The following KMT2B variants were observed in gnomAD, a reference collection of about 807,000 sequenced individuals.
KMT2B encodes histone-lysine N-methyltransferase 2B.
A neutral mutation model predicts 255.3 loss-of-function variants in KMT2B; 22 were observed. The observed-to-expected ratio is 0.09, with a 90% confidence interval of 0.06 to 0.12. The LOEUF is 0.12. Ranked by LOEUF, KMT2B falls within the 10% of genes least tolerant of loss-of-function variation. The pLI is 1.00. For missense variants in KMT2B, 3,149 were observed against 3,737.0 expected (o/e 0.84, Z 4.10); for synonymous variants, 1,730 against 1,498.1 (o/e 1.15, Z -3.57).
In KMT2B at chr19:35,719,823, C is replaced by T. The variant is rs1568367127; in HGVS notation, c.476C>T (p.Thr159Ile). The T allele has an allele frequency of 6.2e-7, 1 of 1,608,528 alleles. No homozygotes were observed. Among genetic ancestry groups the T allele is most frequent in the Non-Finnish European group, 8.5e-7 (1 of 1,177,940 alleles). The change falls in exon 3 of 37, where the codon ACC becomes ATC. Residue 159 changes from threonine to isoleucine, a missense_variant. By Grantham distance (89) the Thr-to-Ile change is moderately conservative. This residue lies in a region of KMT2B where 1,188 missense variants were observed against 1,106.4 expected (regional missense o/e 1.07). Transcript: ENST00000420124. ...PRGRGRKHKT[T>I]PLPPPRLADV... ...GGTCGGGGTCGCAAGCATAAGACGA[C>T]CCCCCTTCCTCCTCCTCGCCTAGCA...
chr19:35,724,746 C>T lies in KMT2B; in HGVS notation c.3429+15C>T, dbSNP rs1279015171. The T allele has an allele frequency of 6.4e-7, 1 of 1,564,024 alleles. No individual in the cohort carries two copies. Among genetic ancestry groups the T allele is most frequent in the Non-Finnish European group, 8.7e-7 (1 of 1,154,156 alleles). The stretch of plus-strand genomic sequence containing the variant: ...GCCTGGACAAGGTCAGCACGGCCCG[C>T]TCCGAGAGCCCCTTCCCTCCAGGAG... On this transcript the variant is annotated intron_variant, in intron 9 of 36. Coordinates refer to ENST00000420124, the MANE Select transcript of KMT2B (RefSeq NM_014727.3).
chr19:35,728,681 G>A lies in KMT2B; in HGVS notation c.4572-93G>A, dbSNP rs1018240412. ...AAATTCCACATAGAGAGGGAGTAGCGGGTGTCATGGCGAGTTCAGGCTGGT... is the reference window on the plus strand; with the variant it reads ...AAATTCCACATAGAGAGGGAGTAGCAGGTGTCATGGCGAGTTCAGGCTGGT... On this transcript the variant is annotated intron_variant, in intron 19 of 36. Transcript: ENST00000420124. The A allele has an allele frequency of 1.8e-5, 15 of 845,264 alleles. 1 individual carries two copies. The highest frequency in any genetic ancestry group is 1.2e-4 in the Admixed American group (6 of 50,082). The allele number at this position is 845,264 out of a possible 1,614,324, so 52.4% of individuals were successfully genotyped here.
Position 35,726,359 on chromosome 19 carries a change from G to T in KMT2B, c.4003+6G>T, listed in dbSNP as rs778996511. 58 of 1,586,834 alleles carry T rather than the reference G, an allele frequency of 3.7e-5. No individual in the cohort carries two copies. The highest frequency in any genetic ancestry group is 4.8e-5 in the Non-Finnish European group (56 of 1,155,502). Reference sequence around the variant, plus strand: ...CACCCAGCTATATGAGAAAGGTGGGGACCGGGCAGGGGAACTGGATGCTGG... The same window carrying T: ...CACCCAGCTATATGAGAAAGGTGGGTACCGGGCAGGGGAACTGGATGCTGG... On this transcript the variant is annotated splice_donor_region_variant and intron_variant, in intron 14 of 36. Coordinates refer to ENST00000420124, the MANE Select transcript of KMT2B (RefSeq NM_014727.3).
Position 35,733,074 on chromosome 19 carries a change from A to C in KMT2B, c.6525A>C (p.Leu2175Phe), listed in dbSNP as rs1599695787. 1.3e-6 allele frequency: 2 copies of C among 1,572,788 alleles called. No individual in the cohort carries two copies. The highest frequency in any genetic ancestry group is 1.7e-6 in the Non-Finnish European group (2 of 1,159,044). Reference protein sequence around the residue: ...WLPGAPGVRVLSLGPAPEPPK... With the variant: ...WLPGAPGVRVFSLGPAPEPPK... Reference sequence around the variant, plus strand: ...CAGGGGCCCCAGGGGTCCGGGTGTTAAGCCTTGGCCCTGCCCCTGAGCCCC... The same window carrying C: ...CAGGGGCCCCAGGGGTCCGGGTGTTCAGCCTTGGCCCTGCCCCTGAGCCCC... Residue 2175 changes from leucine (L) to phenylalanine (F), a missense_variant, in exon 28 of 37, where the codon TTA becomes TTC. Physicochemically the swap from Leu to Phe is conservative, Grantham distance 22 (BLOSUM62 0). This residue lies in a region of KMT2B where 897 missense variants were observed against 825.3 expected (regional missense o/e 1.09). Transcript: ENST00000420124. The surrounding 1 kb of genome is among the most constrained non-coding windows in gnomAD (Gnocchi z 4.3).
chr19:35,724,776 C>T (rs1182468998), intron 9 of KMT2B, 45 bp downstream of exon 9: 2 of 1,509,360 alleles, frequency 1.3e-6, no homozygotes, highest in Admixed American at 2.0e-5. Flanking sequence ...CAGGAGCTAC[C>T]TGGCAAGTCA....
At chr19:35,730,147 C>T in intron 23 of KMT2B, 22 bp downstream of exon 23, 1 of 1,613,248 alleles carries the variant, frequency 6.2e-7, no homozygotes, top group East Asian at 2.2e-5. Context: ...CTGTGGGGTA[C>T]ACGGTTCCTT....
In KMT2B at chr19:35,720,473, A is replaced by C. The variant is rs1342856269; in HGVS notation, c.1126A>C (p.Lys376Gln). 6.9e-7 allele frequency: 1 copy of C among 1,446,912 alleles called. No individual in the cohort carries two copies. Among genetic ancestry groups the C allele is most frequent in the East Asian group, 2.4e-5 (1 of 40,926 alleles). 89.6% of individuals were successfully genotyped at this position (1,446,912 alleles called of 1,614,324 possible). Residue 376 changes from lysine (K) to glutamine (Q), a missense_variant, in exon 3 of 37, where the codon AAG becomes CAG. Physicochemically the swap from Lys to Gln is moderately conservative, Grantham distance 53 (BLOSUM62 1). Around this residue, in one of 18 missense-constraint regions of KMT2B, gnomAD observed 1,188 missense variants for 1,106.4 expected, o/e 1.07. Transcript: ENST00000420124. ...GAAGAAAGAAGAAGAAGAAAAAGAC[A>C]AGGAGGGAGAAGAGAAGGAAGAAAG... ...EEKKEEEEKD[K>Q]EGEEKEERAV...
rs770982894 is a variant in KMT2B at position 35,725,018 on chromosome 19, T to G, written c.3459T>G (p.Ser1153=). ...KDALAPGPFA[S]FPNGWTGKQK... is the part of the protein sequence containing the mutation. ...CTTTGGCCCCTGGCCCCTTTGCTTCTTTTCCCAATGGCTGGACTGGAAAGC... is the reference window on the plus strand; with the variant it reads ...CTTTGGCCCCTGGCCCCTTTGCTTCGTTTCCCAATGGCTGGACTGGAAAGC... The change falls in exon 10 of 37, where the codon TCT becomes TCG. Residue 1153 remains serine (S), a synonymous_variant. Transcript: ENST00000420124. This position sits in a 1 kb window ranked among gnomAD's most constrained non-coding sequence, Gnocchi z 4.1. 6.2e-6 allele frequency: 10 copies of G among 1,613,656 alleles called. No individual in the cohort carries two copies. Among genetic ancestry groups the G allele is most frequent in the South Asian group, 1.1e-5 (1 of 91,070 alleles).
chr19:35,724,550 C>T, intron 8 of KMT2B, 87 bp from the exon 9 acceptor site: 1 of 1,124,420 alleles, frequency 8.9e-7, no homozygotes, highest in Non-Finnish European at 1.3e-6. Context: ...TTAAAGAAGG[C>T]CCTGGGAATC....
At position 35,721,120 on chromosome 19, in the gene KMT2B, T is replaced by C. The variant is rs1969180301; in HGVS notation, c.1773T>C (p.Ser591=). ...CACCACGTGCCCCAACTCCTCCATC[T>C]ACCCCAGTTCCACTCCCTGAGAAGA... ...PSPPRAPTPP[S]TPVPLPEKRR... The change falls in exon 3 of 37, where the codon TCT becomes TCC. Residue 591 remains serine (S), a synonymous_variant. Coordinates refer to ENST00000420124, the MANE Select transcript of KMT2B (RefSeq NM_014727.3). 1.9e-6 allele frequency: 3 copies of C among 1,605,266 alleles called. No homozygotes were observed. The highest frequency in any genetic ancestry group is 2.5e-6 in the Non-Finnish European group (3 of 1,177,680).
chr19:35,722,905 G>A (rs1038367255), intron 5 of KMT2B, 90 bp from the exon 6 acceptor site: 4 of 1,445,646 alleles, frequency 2.8e-6, no homozygotes, highest in Non-Finnish European at 3.7e-6. Flanking sequence ...CTGTGAGAAA[G>A]CGAGAGCCAG....
In KMT2B at chr19:35,738,027, T is replaced by A; in HGVS notation, c.7743-35T>A. On this transcript the variant is annotated intron_variant, in intron 35 of 36. Transcript: ENST00000420124. This position sits in a 1 kb window ranked among gnomAD's most constrained non-coding sequence, Gnocchi z 8.7. ...GGGTACTGTCTGGTTTCTGTCCCCC[T>A]CCCCCCTGAGTTCCCTGTTCATCCT... 1 of 1,613,120 alleles carries A rather than the reference T, an allele frequency of 6.2e-7. No individual in the cohort carries two copies. The highest frequency in any genetic ancestry group is 8.5e-7 in the Non-Finnish European group (1 of 1,179,548).
chr19:35,730,920 T>A (rs1969665149), intron 26 of KMT2B, 53 bp downstream of exon 26: 2 of 1,499,580 alleles, frequency 1.3e-6, no homozygotes, highest in Admixed American at 2.3e-5. Flanking sequence ...TAAACAAACC[T>A]ACAGATCTCT....
At position 35,720,505 on chromosome 19, in the gene KMT2B, A is replaced by T. The variant is rs953801296; in HGVS notation, c.1158A>T (p.Val386=). ...GAGAAGAGAAGGAAGAAAGAGCTGTAGCTGAGGAGATGATGCCAGCTGCGG... is the reference window on the plus strand; with the variant it reads ...GAGAAGAGAAGGAAGAAAGAGCTGTTGCTGAGGAGATGATGCCAGCTGCGG... The part of the protein sequence containing the change: ...KEGEEKEERA[V]AEEMMPAAEK... Residue 386 remains valine (V), a synonymous_variant, in exon 3 of 37, where the codon GTA becomes GTT. Transcript: ENST00000420124. The T allele has an allele frequency of 6.4e-7, 1 of 1,551,336 alleles. No individual in the cohort carries two copies. The highest frequency in any genetic ancestry group is 2.0e-5 in the Admixed American group (1 of 50,902).
In KMT2B at chr19:35,729,984, G is replaced by A. The variant is rs1458190884; in HGVS notation, c.4935G>A (p.Leu1645=). ...CTACGCAGCGCTGCGAGCTCTGCCTGAAGCCTGGCGCCACGGTGGGCTGCT... is the reference window on the plus strand; with the variant it reads ...CTACGCAGCGCTGCGAGCTCTGCCTAAAGCCTGGCGCCACGGTGGGCTGCT... The part of the protein sequence containing the change: ...RGRQMRCELC[L]KPGATVGCCL... Residue 1645 remains leucine (L), a synonymous_variant, in exon 23 of 37, where the codon CTG becomes CTA. Transcript: ENST00000420124. The A allele has an allele frequency of 6.2e-7, 1 of 1,613,238 alleles. No homozygotes were observed. Among genetic ancestry groups the A allele is most frequent in the Non-Finnish European group, 8.5e-7 (1 of 1,179,800 alleles).
rs1304115990 is a variant in KMT2B at position 35,733,751 on chromosome 19, C to T, written c.7050-12C>T. 2 of 1,611,970 alleles carry T rather than the reference C, an allele frequency of 1.2e-6. No individual in the cohort carries two copies. The highest frequency in any genetic ancestry group is 1.7e-6 in the Non-Finnish European group (2 of 1,178,628). On this transcript the variant is annotated splice_polypyrimidine_tract_variant and intron_variant, in intron 29 of 36. Transcript: ENST00000420124. This position sits in a 1 kb window ranked among gnomAD's most constrained non-coding sequence, Gnocchi z 4.3. ...TCTGTCCTTCCCCTTCCTGACAGGT[C>T]TCTTCTCGCAGGCCCCTCCAGGAAC...
In KMT2B at chr19:35,728,985, C is replaced by A. The variant is rs995639204; in HGVS notation, c.4688C>A (p.Ala1563Glu). 1.9e-6 allele frequency: 3 copies of A among 1,613,836 alleles called. No individual in the cohort carries two copies. The Admixed American group carries it at 5.0e-5, about 27-fold the overall frequency. ...ACCTCCCTTCACATTTCCTCTTCAG[C>A]ATTCCAGGGCAAGGATCCGGCTGCC... ...SGQPPGDPSAAFQGKDPAAFS... is the reference protein window; with the variant it reads ...SGQPPGDPSAEFQGKDPAAFS... The change falls in exon 21 of 37, where the codon GCA becomes GAA. Residue 1563 changes from alanine (A) to glutamate (E), a missense_variant and splice_region_variant. Ala to Glu is a moderately radical substitution (Grantham distance 107, BLOSUM62 -1). Transcript: ENST00000420124.
At chr19:35,729,830 G>C in intron 22 of KMT2B, 137 bp from the exon 23 acceptor site, 2 of 794,230 alleles carry the variant, frequency 2.5e-6, no homozygotes, top group Non-Finnish European at 3.9e-6. Context: ...GCCTGGATGC[G>C]GCTGGGGAGA....
Position 35,737,810 on chromosome 19 carries a change from A to G in KMT2B, c.7659-49A>G. On this transcript the variant is annotated intron_variant, in intron 34 of 36. Transcript: ENST00000420124. The surrounding 1 kb of genome is among the most constrained non-coding windows in gnomAD (Gnocchi z 5.3). ...GTCTTAGAGAGTGAGCAGGGGTGAG[A>G]GAGGTCATTCTGAGCACCAGCCTGG... 1 of 1,549,852 alleles carries G rather than the reference A, an allele frequency of 6.5e-7. No individual in the cohort carries two copies. The highest frequency in any genetic ancestry group is 8.7e-7 in the Non-Finnish European group (1 of 1,144,524).
Sources: allele counts gnomAD v4.1 joint callset, GRCh38; gene constraint gnomAD v4.1.1; regional missense constraint gnomAD v4.1.1; non-coding constraint Gnocchi (gnomAD v3.1); transcripts MANE v1.5; gene names NCBI Gene and HGNC (gene_info 2026-07-23, HGNC 2026-07-21).